SEPTIN12: variants seen among roughly 807,000 people sequenced by gnomAD.
The protein encoded by SEPTIN12 is septin 12, also known as septin-12.
A neutral mutation model predicts 37.7 loss-of-function variants in SEPTIN12; 42 were observed. The ratio of observed to expected loss-of-function variants is 1.11; its 90% CI spans 0.87 to 1.44. The LOEUF is 1.44. Among genes scored for constraint, SEPTIN12 ranks in the 40% most tolerant of loss-of-function variants. The pLI is 0.00. For missense variants in SEPTIN12, 613 were observed against 479.2 expected (o/e 1.28, Z -2.61); for synonymous variants, 254 against 196.7 (o/e 1.29, Z -2.44).
upstream of SEPTIN12, among the ~76,000 whole-genome samples, chr16:4,789,475 G>A (rs2082516468): frequency 6.6e-6 from 1 of 151,668 alleles, no homozygotes; most frequent in Non-Finnish European, 1.5e-5. Context: ...ACAGGCGCCT[G>A]CCACCACGCC....
chr16:4,791,321 T>A (rs893888874), upstream of SEPTIN12, among the ~76,000 whole-genome samples: 3 of 152,002 alleles, frequency 2.0e-5, no homozygotes, highest in South Asian at 4.1e-4. Flanking sequence ...CTATGCAGCG[T>A]GACTATGGTG....
chr16:4,782,561 C>T (rs946937909), intron 7 of SEPTIN12, among the ~76,000 whole-genome samples: 14 of 152,100 alleles, frequency 9.2e-5, no homozygotes, highest in African/African-American at 3.1e-4. Context: ...ATTTTACTTT[C>T]CCTCCAGCAG....
chr16:4,787,580 T>G lies in SEPTIN12; in HGVS notation c.66A>C (p.Pro22=), dbSNP rs2082477314. 3 of 1,607,742 alleles carry G rather than the reference T, an allele frequency of 1.9e-6. No homozygotes were observed. The highest frequency in any genetic ancestry group is 1.3e-5 in the African/African-American group (1 of 74,652). ...LSSQPSSPST[P]PCEMLGPVGI... ...CCACAGGACCAAGCATCTCGCAGGG[T>G]GGGGTGCTGGGGCTGGAGGGCTGCG... The change falls in exon 2 of 10, where the codon CCA becomes CCC. Residue 22 remains proline (P), a synonymous_variant. Transcript: ENST00000268231.
Position 4,784,068 on chromosome 16 carries a change from G to A in SEPTIN12, c.375C>T (p.Cys125=), listed in dbSNP as rs202232443. The A allele has an allele frequency of 1.0e-4, 164 of 1,614,016 alleles. 2 individuals carry two copies. The Admixed American group carries it at 2.6e-3, about 26-fold the overall frequency. The change falls in exon 5 of 10, where the codon TGC becomes TGT. Residue 125 remains cysteine (C), a splice_region_variant and synonymous_variant. Transcript: ENST00000268231. Reference sequence around the variant, plus strand: ...TGATGTAGCCCAGGATGGGGTCCCAGCTGAGGCGGGAGGTGGACCCTCCCC... The same window carrying A: ...TGATGTAGCCCAGGATGGGGTCCCAACTGAGGCGGGAGGTGGACCCTCCCC... ...GFGDQINNDN[C]WDPILGYINE...
Position 4,777,998 on chromosome 16 carries a change from G to A in SEPTIN12, c.876C>T (p.Arg292=), listed in dbSNP as rs774087320. The change falls in exon 10 of 10, where the codon CGC becomes CGT. Residue 292 remains arginine, a splice_region_variant and synonymous_variant. Coordinates refer to ENST00000268231, the MANE Select transcript of SEPTIN12 (RefSeq NM_144605.5). ...EFPLLRDLLI[R]SHLQDLKDIT... ...TGTCCTTCAGGTCTTGGAGGTGGGA[G>A]CTGGGGGACCGGAGACGGTCAGCCC... 23 of 1,612,032 alleles carry A rather than the reference G, an allele frequency of 1.4e-5. No homozygotes were observed. The highest frequency in any genetic ancestry group is 1.6e-4 in the Middle Eastern group (1 of 6,082).
intron 7 of SEPTIN12, among the ~76,000 whole-genome samples, chr16:4,782,377 T>C (rs1310584312): frequency 6.6e-6 from 1 of 152,198 alleles, no homozygotes. Context: ...TGCTTCCACT[T>C]TCGGGGCTAA....
chr16:4,791,273 C>T (rs571495198), upstream of SEPTIN12, among the ~76,000 whole-genome samples: 4 of 152,108 alleles, frequency 2.6e-5, no homozygotes, highest in South Asian at 2.1e-4. Context: ...AAGGTGCTCC[C>T]GGTGGTGTTG....
At chr16:4,786,597 C>T (rs1043764046) in intron 2 of SEPTIN12, among the ~76,000 whole-genome samples, 7 of 151,936 alleles carry the variant, frequency 4.6e-5, no homozygotes, top group East Asian at 1.9e-4. Context: ...CCTCATGATC[C>T]GCCTGCCTCA....
intron 8 of SEPTIN12, among the ~76,000 whole-genome samples, chr16:4,778,646 C>G (rs1199267579): frequency 6.6e-6 from 1 of 150,920 alleles, no homozygotes; most frequent in Non-Finnish European, 1.5e-5. Context: ...ACTAAAAATA[C>G]AAAAATTAGC....
In SEPTIN12 at chr16:4,786,911, G is replaced by A. The variant is rs139532726; in HGVS notation, c.166+569C>T. 9.5e-3 allele frequency among the ~76,000 whole-genome samples: 1,447 copies of A among 152,148 alleles called. 22 individuals are homozygous for A. The highest frequency in any genetic ancestry group is 0.033 in the African/African-American group (1,373 of 41,506). On this transcript the variant is annotated intron_variant, in intron 2 of 9. Transcript: ENST00000268231. Reference sequence around the variant, plus strand: ...GATCCTTCTGCTTCAGTCTTGCTCTGTCACCCAGGCTGGAGTACAGTGGCG... The same window carrying A: ...GATCCTTCTGCTTCAGTCTTGCTCTATCACCCAGGCTGGAGTACAGTGGCG...
At chr16:4,786,650 C>T (rs950432521) in intron 2 of SEPTIN12, among the ~76,000 whole-genome samples, 6 of 151,962 alleles carry the variant, frequency 3.9e-5, no homozygotes, top group South Asian at 2.1e-4. Flanking sequence ...CCACCACACC[C>T]GGCCTTGCAC....
chr16:4,785,554 A>C (rs2141877233), intron 4 of SEPTIN12, among the ~76,000 whole-genome samples: 1 of 152,072 alleles, frequency 6.6e-6, no homozygotes, highest in Non-Finnish European at 1.5e-5. Flanking sequence ...CGGGTGGATC[A>C]TCTGAGGTCA....
chr16:4,786,625 G>A (rs1335597204), intron 2 of SEPTIN12, among the ~76,000 whole-genome samples: 1 of 152,054 alleles, frequency 6.6e-6, no homozygotes, highest in Non-Finnish European at 1.5e-5. Flanking sequence ...AAAGTGCTGG[G>A]ATTACAGGCG....
rs1017348154 is a variant in SEPTIN12 at position 4,787,636 on chromosome 16, G to A, written c.10C>T (p.Leu4=). Residue 4 remains leucine, a synonymous_variant, in exon 2 of 10, where the codon CTG becomes TTG. Transcript: ENST00000268231. ...AGGCAGGGAGAGGGGGAGCGCCTCA[G>A]GGGGTCCATGGGGGCCAAGGGTTCG... MDP[L]RRSPSPCLSS... The A allele has an allele frequency of 6.3e-7, 1 of 1,575,324 alleles. No individual in the cohort carries two copies. Among genetic ancestry groups the A allele is most frequent in the South Asian group, 1.1e-5 (1 of 89,720 alleles).
intron 7 of SEPTIN12, among the ~76,000 whole-genome samples, chr16:4,780,231 G>A (rs1198571224): frequency 1.3e-5 from 2 of 151,650 alleles, no homozygotes; most frequent in African/African-American, 2.4e-5. Flanking sequence ...AGGACCATAG[G>A]TGTGCACCAC....
upstream of SEPTIN12, among the ~76,000 whole-genome samples, chr16:4,790,523 C>G (rs2082535764): frequency 6.6e-6 from 1 of 152,210 alleles, no homozygotes; most frequent in Non-Finnish European, 1.5e-5. Flanking sequence ...GGTGCGTTGA[C>G]TCATGCTTGT....
At chr16:4,781,409 C>CA (rs1386708216) in intron 7 of SEPTIN12, among the ~76,000 whole-genome samples, 2 of 151,972 alleles carry the variant, frequency 1.3e-5, no homozygotes, top group African/African-American at 4.8e-5. Flanking sequence ...CACGTCCCCC[C>CA]AAAAAAACCC....
intron 5 of SEPTIN12, 62 bp downstream of exon 5, chr16:4,783,869 C>T (rs2082402781): frequency 1.2e-6 from 2 of 1,608,218 alleles, no homozygotes; most frequent in Non-Finnish European, 1.7e-6. Context: ...ATGGTGGGGA[C>T]CCCTTCTCCT....
At chr16:4,790,936 C>G (rs2082541323), upstream of SEPTIN12, among the ~76,000 whole-genome samples, 1 of 152,214 alleles carries the variant, frequency 6.6e-6, no homozygotes, top group Non-Finnish European at 1.5e-5. Flanking sequence ...ATCTTGAAAA[C>G]CACAATTCCA....
Sources: gnomAD v4.1 joint callset for allele counts (sites outside exome capture counted in the v4.1 genomes callset) on GRCh38, gnomAD v4.1.1 for gene constraint, MANE v1.5 for transcripts, NCBI Gene and HGNC (gene_info 2026-07-23, HGNC 2026-07-21) for gene names.